CACNA2D3: variants seen among roughly 807,000 people sequenced by gnomAD.
CACNA2D3 encodes voltage-dependent calcium channel subunit alpha-2/delta-3.
CACNA2D3 carries 60 observed loss-of-function variants against 160.6 expected under a neutral mutation model. The ratio of observed to expected loss-of-function variants is 0.37; its 90% CI spans 0.30 to 0.46. The LOEUF (loss-of-function observed/expected upper bound fraction) is 0.46. CACNA2D3 is among the 20% of genes least tolerant of loss of function. CACNA2D3 has a pLI of 1.00. For missense variants in CACNA2D3, 1,205 were observed against 1,365.0 expected, an observed-to-expected ratio of 0.88 and a Z score of 1.85; for synonymous variants, 558 against 492.9, an observed-to-expected ratio of 1.13 and a Z score of -1.75.
intron 16 of CACNA2D3, among the ~76,000 whole-genome samples, chr3:54,839,039 C>T (rs905158837): frequency 2.7e-4 from 41 of 152,080 alleles, no homozygotes; most frequent in African/African-American, 9.4e-4. Flanking sequence ...GGGTGGATCA[C>T]GAGGTCAGGA....
intron 5 of CACNA2D3, among the ~76,000 whole-genome samples, chr3:54,504,846 C>T (rs1701344445): frequency 6.6e-6 from 1 of 152,154 alleles, no homozygotes. Context: ...GATAATGATG[C>T]TGCCTCCGTC....
At chr3:54,802,261 A>T (rs1344444110) in intron 13 of CACNA2D3, among the ~76,000 whole-genome samples, 1 of 152,088 alleles carries the variant, frequency 6.6e-6, no homozygotes, top group African/African-American at 2.4e-5. Flanking sequence ...GGAGTGAAGG[A>T]AGTAGCAGAC....
chr3:54,810,622 CTTTT>C (rs964993674), intron 13 of CACNA2D3, among the ~76,000 whole-genome samples: 1 of 152,108 alleles, frequency 6.6e-6, no homozygotes, highest in African/African-American at 2.4e-5. Flanking sequence ...GTAGGCCAGG[CTTTT>C]TTTGTTTTAC....
At chr3:54,219,625 G>A (rs768789718) in intron 2 of CACNA2D3, among the ~76,000 whole-genome samples, 14 of 151,948 alleles carry the variant, frequency 9.2e-5, no homozygotes, top group Admixed American at 3.3e-4. Flanking sequence ...CTCATACAAG[G>A]GACGCGTTAC....
At chr3:54,545,492 A>G (rs1455428402) in intron 5 of CACNA2D3, among the ~76,000 whole-genome samples, 1 of 152,198 alleles carries the variant, frequency 6.6e-6, no homozygotes, top group African/African-American at 2.4e-5. Flanking sequence ...GCAGCATGTA[A>G]TCTGCTGGAC....
At position 54,681,714 on chromosome 3, in the gene CACNA2D3, C is replaced by T. The variant is rs199767258; in HGVS notation, c.1167+39473C>T. Among the ~76,000 whole-genome samples the T allele has an allele frequency of 9.2e-5, 14 of 152,202 alleles. No individual in the cohort carries two copies. The East Asian group carries it at 2.1e-3, about 23-fold the overall frequency. On this transcript the variant is annotated intron_variant, in intron 11 of 37. Coordinates refer to ENST00000474759, the MANE Select transcript of CACNA2D3 (RefSeq NM_018398.3). ...GTTTTTGCTTTCTGAAACAGAGTCTCGCTTTGTCACCCAGGCTGGTGTGAT... is the reference window on the plus strand; with the variant it reads ...GTTTTTGCTTTCTGAAACAGAGTCTTGCTTTGTCACCCAGGCTGGTGTGAT...
chr3:54,386,950 A>G (rs1442611679), intron 4 of CACNA2D3, among the ~76,000 whole-genome samples, 176 bp downstream of exon 4: 1 of 152,202 alleles, frequency 6.6e-6, no homozygotes, highest in Non-Finnish European at 1.5e-5. Flanking sequence ...ACCTTCTAAC[A>G]GTGACAGTTA....
chr3:54,185,205 G>A (rs146760976), intron 2 of CACNA2D3, among the ~76,000 whole-genome samples: 14 of 152,310 alleles, frequency 9.2e-5, no homozygotes, highest in African/African-American at 3.1e-4. Context: ...GCTTATAGAA[G>A]TTTCCAAGCT....
intron 27 of CACNA2D3, chr3:54,918,321 C>CTTTTTTT (rs60257399): frequency 5.1e-5 from 20 of 394,428 alleles, no homozygotes; most frequent in African/African-American, 5.0e-4. Flanking sequence ...ACAGACACAT[C>CTTTTTTT]TTTTTTTTTT....
intron 11 of CACNA2D3, among the ~76,000 whole-genome samples, chr3:54,707,558 G>A (rs573498801): frequency 4.2e-4 from 64 of 152,268 alleles, no homozygotes; most frequent in African/African-American, 1.5e-3. Flanking sequence ...CATTGGTTTT[G>A]TTGGCTGGAA....
intron 4 of CACNA2D3, among the ~76,000 whole-genome samples, chr3:54,487,997 T>A (rs1575484414): frequency 6.6e-6 from 1 of 152,172 alleles, no homozygotes; most frequent in East Asian, 1.9e-4. Context: ...GGTCTTCCTG[T>A]GGAGCCAGCA....
intron 4 of CACNA2D3, among the ~76,000 whole-genome samples, chr3:54,475,981 A>G (rs1458479195): frequency 2.0e-5 from 3 of 151,310 alleles, no homozygotes; most frequent in Non-Finnish European, 2.9e-5. Flanking sequence ...TCCTTTGACC[A>G]ACATCTCCCC....
Position 54,289,123 on chromosome 3 carries a change from G to A in CACNA2D3, c.205-31319G>A, listed in dbSNP as rs568732735. Reference sequence around the variant, plus strand: ...GAAAAGAGGAAGTCAAATTGTCCCTGTTTGCAGACGACATGATTGTATATC... The same window carrying A: ...GAAAAGAGGAAGTCAAATTGTCCCTATTTGCAGACGACATGATTGTATATC... On this transcript the variant is annotated intron_variant, in intron 2 of 37. Transcript: ENST00000474759. Among the ~76,000 whole-genome samples, 285 of 152,290 alleles carry A rather than the reference G, an allele frequency of 1.9e-3. 1 individual carries two copies. The highest frequency in any genetic ancestry group is 5.0e-3 in the African/African-American group (208 of 41,560).
chr3:54,670,202 A>G (rs151029165), intron 11 of CACNA2D3, among the ~76,000 whole-genome samples: 14 of 152,014 alleles, frequency 9.2e-5, no homozygotes, highest in African/African-American at 1.2e-4. Context: ...ACATTTTCCT[A>G]TTCTCTCCTG....
At chr3:54,164,349 T>G (rs1469444268) in intron 2 of CACNA2D3, among the ~76,000 whole-genome samples, 2 of 152,212 alleles carry the variant, frequency 1.3e-5, no homozygotes, top group Non-Finnish European at 2.9e-5. Flanking sequence ...ATCCTCCCTC[T>G]GCTGCCGCAG....
At chr3:55,070,604 G>T (rs1005349202) in intron 35 of CACNA2D3, among the ~76,000 whole-genome samples, 4 of 152,180 alleles carry the variant, frequency 2.6e-5, no homozygotes, top group Non-Finnish European at 5.9e-5. Context: ...ACTCAATCCA[G>T]TGGACAAGGG....
At chr3:54,925,712 T>C (rs990472164) in intron 27 of CACNA2D3, among the ~76,000 whole-genome samples, 2 of 152,222 alleles carry the variant, frequency 1.3e-5, no homozygotes, top group African/African-American at 4.8e-5. Context: ...CCAATAGCCA[T>C]GTGTGGCTAC....
chr3:54,367,997 G>T (rs1276733172), intron 3 of CACNA2D3, among the ~76,000 whole-genome samples: 8 of 152,174 alleles, frequency 5.3e-5, no homozygotes, highest in Non-Finnish European at 1.2e-4. Context: ...CTTTCATTGA[G>T]TAGCTGTACC....
chr3:54,791,692 A>G (rs1324237039), intron 13 of CACNA2D3, among the ~76,000 whole-genome samples: 1 of 152,194 alleles, frequency 6.6e-6, no homozygotes, highest in Non-Finnish European at 1.5e-5. Context: ...GGGCAGTCAC[A>G]TTGAGACAGA....
Sources: allele counts gnomAD v4.1 joint callset (sites outside exome capture counted in the v4.1 genomes callset), GRCh38; gene constraint gnomAD v4.1.1; transcripts MANE v1.5; gene names NCBI Gene and HGNC (gene_info 2026-07-23, HGNC 2026-07-21).